The following MOSPD2 variants were observed in gnomAD, a reference collection of about 807,000 sequenced individuals.
The protein encoded by MOSPD2 is motile sperm domain containing 2.
MOSPD2 carries 5 observed loss-of-function variants against 41.7 expected under a neutral mutation model. The observed-to-expected ratio is 0.12, with a 90% CI of 0.06 to 0.25. MOSPD2 has a LOEUF of 0.25. Ranked by LOEUF, MOSPD2 falls within the 10% of genes least tolerant of loss-of-function variation. The pLI is 1.00. For synonymous variants in MOSPD2, 115 were observed against 126.9 expected (o/e 0.91, Z 0.63); for missense variants, 282 against 375.2 (o/e 0.75, Z 2.05).
chrX:14,882,331 G>A (rs1296856785), intron 2 of MOSPD2, among the ~76,000 whole-genome samples: 1 of 110,963 alleles, frequency 9.0e-6, no homozygotes, highest in African/African-American at 3.3e-5. Context: ...AGTTACCAGG[G>A]GCTGGAGGGG....
chrX:14,875,270 A>T lies in MOSPD2; in HGVS notation c.79+1512A>T, dbSNP rs12844936. Among the ~76,000 whole-genome samples the T allele has an allele frequency of 2.7e-5, 3 of 112,435 alleles. No individual in the cohort carries two copies. In the East Asian group the frequency reaches 8.4e-4, roughly 31 times the overall value. On this transcript the variant is annotated intron_variant, in intron 2 of 14. Coordinates refer to ENST00000380492, the MANE Select transcript of MOSPD2 (RefSeq NM_152581.4). ...CAATACCATGATGTCAAGTTAGATCATGTCACTCTCCAGCTTGAAACCCTT... is the reference window on the plus strand; with the variant it reads ...CAATACCATGATGTCAAGTTAGATCTTGTCACTCTCCAGCTTGAAACCCTT...
chrX:14,898,217 A>G (rs2092566373), intron 5 of MOSPD2, among the ~76,000 whole-genome samples: 1 of 112,120 alleles, frequency 8.9e-6, no homozygotes, highest in East Asian at 2.8e-4. Flanking sequence ...ATGGCAAATT[A>G]TGGTATATCT....
At chrX:14,912,969 G>A (rs937355762) in intron 10 of MOSPD2, among the ~76,000 whole-genome samples, 4 of 111,668 alleles carry the variant, frequency 3.6e-5, no homozygotes, top group African/African-American at 1.3e-4. Context: ...AAACCTTTCT[G>A]TATAGCTATG....
chrX:14,877,702 G>A (rs1372102262), intron 2 of MOSPD2, among the ~76,000 whole-genome samples: 2 of 106,182 alleles, frequency 1.9e-5, no homozygotes, highest in Admixed American at 9.9e-5. Flanking sequence ...GGTTGGGCGC[G>A]GTGGCTCACG....
intron 2 of MOSPD2, among the ~76,000 whole-genome samples, chrX:14,877,647 C>CT (rs200202846): frequency 0.054 from 5,680 of 105,112 alleles, 178 homozygotes; most frequent in Middle Eastern, 0.094. Context: ...GGCCTACAGT[C>CT]TTTTTTCTAT....
rs147294411 is a variant in MOSPD2 at position 14,920,772 on chromosome X, G to A, written c.*963G>A. ...TTTTTTTGAAAGGTTAGTTGTTTGAGATGCTAAGCAGGATAATAAATTTAG... is the reference window on the plus strand; with the variant it reads ...TTTTTTTGAAAGGTTAGTTGTTTGAAATGCTAAGCAGGATAATAAATTTAG... On this transcript the variant is annotated 3_prime_UTR_variant, in exon 15 of 15. Transcript: ENST00000380492. 72 of 751,229 alleles carry A rather than the reference G, an allele frequency of 9.6e-5. No homozygotes were observed. The African/African-American group carries it at 1.5e-3, about 16-fold the overall frequency. The allele number at this position is 751,229 out of a possible 1,213,427, so 61.9% of individuals were successfully genotyped here.
chrX:14,904,476 T>C (rs1369469196), intron 7 of MOSPD2, among the ~76,000 whole-genome samples: 1 of 111,612 alleles, frequency 9.0e-6, no homozygotes, highest in Admixed American at 9.5e-5. Flanking sequence ...TTGAAACAAC[T>C]ACCAAGTTAG....
At chrX:14,891,993 A>G (rs2092554855) in intron 2 of MOSPD2, among the ~76,000 whole-genome samples, 1 of 112,226 alleles carries the variant, frequency 8.9e-6, no homozygotes, top group South Asian at 3.7e-4. Flanking sequence ...AGATAACATA[A>G]TTAATCTTCC....
chrX:14,921,939 G>C lies in MOSPD2; in HGVS notation c.*2130G>C, dbSNP rs1322341699. 9.0e-6 allele frequency: 1 copy of C among 110,985 alleles called. No individual in the cohort carries two copies. Among genetic ancestry groups the C allele is most frequent in the Non-Finnish European group, 1.9e-5 (1 of 52,910 alleles). The allele number at this position is 110,985 out of a possible 1,213,427, so 9.1% of individuals were successfully genotyped here. Reference sequence around the variant, plus strand: ...AACCAACATTTAGATTTAGATATTTGTTTTCACTTAGGAATGGAAATTAAT... The same window carrying C: ...AACCAACATTTAGATTTAGATATTTCTTTTCACTTAGGAATGGAAATTAAT... On this transcript the variant is annotated 3_prime_UTR_variant, in exon 15 of 15. Transcript: ENST00000380492.
chrX:14,915,539 A>G (rs149860456), intron 11 of MOSPD2, 129 bp from the exon 12 acceptor site: 4,950 of 268,748 alleles, frequency 0.018, 260 homozygotes, highest in African/African-American at 0.13. Context: ...GTACCCTAAA[A>G]CTTAAAGTAT....
intron 6 of MOSPD2, among the ~76,000 whole-genome samples, chrX:14,901,973 T>C (rs2092573879): frequency 9.1e-6 from 1 of 110,036 alleles, no homozygotes; most frequent in Admixed American, 9.8e-5. Context: ...ATTTTATATA[T>C]ATATATATAC....
chrX:14,901,606 T>G (rs994986928), intron 6 of MOSPD2, among the ~76,000 whole-genome samples: 8 of 110,764 alleles, frequency 7.2e-5, no homozygotes, highest in African/African-American at 2.3e-4. Context: ...TATTTTTAGG[T>G]AAAAAGAATG....
At chrX:14,882,788 T>C in intron 2 of MOSPD2, among the ~76,000 whole-genome samples, 1 of 110,888 alleles carries the variant, frequency 9.0e-6, no homozygotes, top group Non-Finnish European at 1.9e-5. Context: ...CTGATGAATG[T>C]TCTTGTTTTT....
chrX:14,874,011 C>T (rs2092513845), intron 2 of MOSPD2: 3 of 399,493 alleles, frequency 7.5e-6, no homozygotes, highest in Admixed American at 4.2e-5. Flanking sequence ...TTTAGCATGC[C>T]CTCGTGTTTA....
chrX:14,893,578 C>A (rs753649518), intron 3 of MOSPD2, among the ~76,000 whole-genome samples: 1 of 112,079 alleles, frequency 8.9e-6, no homozygotes, highest in African/African-American at 3.2e-5. Flanking sequence ...GGCATAACTT[C>A]TGTTTTCAGT....
At chrX:14,914,192 T>A (rs1284290396) in intron 10 of MOSPD2, among the ~76,000 whole-genome samples, 2 of 111,694 alleles carry the variant, frequency 1.8e-5, no homozygotes, top group Non-Finnish European at 3.8e-5. Context: ...TTCCAAATAG[T>A]TTAAATAAGC....
At chrX:14,887,878 T>C (rs961208110) in intron 2 of MOSPD2, among the ~76,000 whole-genome samples, 6 of 110,690 alleles carry the variant, frequency 5.4e-5, no homozygotes, top group Non-Finnish European at 1.1e-4. Flanking sequence ...GTATCTTTAG[T>C]TCTTTCTCTC....
chrX:14,917,845 C>T (rs1373681441), intron 13 of MOSPD2, among the ~76,000 whole-genome samples: 1 of 111,338 alleles, frequency 9.0e-6, no homozygotes, highest in Non-Finnish European at 1.9e-5. Flanking sequence ...CATAGGGAAA[C>T]TTTCTTTCTA....
At chrX:14,903,180 A>G (rs1354178520) in intron 7 of MOSPD2, among the ~76,000 whole-genome samples, 176 bp downstream of exon 7, 1 of 111,478 alleles carries the variant, frequency 9.0e-6, no homozygotes, top group Non-Finnish European at 1.9e-5. Context: ...CTAAAATTTT[A>G]TACCCAGGAT....
Sources: gnomAD v4.1 joint callset for allele counts (sites outside exome capture counted in the v4.1 genomes callset) on GRCh38, gnomAD v4.1.1 for gene constraint, MANE v1.5 for transcripts, NCBI Gene and HGNC (gene_info 2026-07-23, HGNC 2026-07-21) for gene names.